Variants in VOPP1 observed in about 807,000 individuals in gnomAD.
The protein encoded by VOPP1 is VOPP1 WW domain binding protein, also known as WW domain binding protein VOPP1.
Under a neutral mutation model 23.5 loss-of-function variants are expected in VOPP1, and 8 were observed. The ratio of observed to expected loss-of-function variants is 0.34; its 90% CI spans 0.20 to 0.61. VOPP1 has a LOEUF of 0.61. Among genes scored for constraint, VOPP1 ranks in the 20% least tolerant of loss-of-function variants. The pLI, the probability that VOPP1 is intolerant of heterozygous loss-of-function variation, is 0.78. For missense variants in VOPP1, 174 were observed against 238.1 expected (o/e 0.73, Z 1.77); for synonymous variants, 83 against 97.3 (o/e 0.85, Z 0.86).
chr7:55,495,847 G>A (rs148419263), intron 3 of VOPP1, among the ~76,000 whole-genome samples: 9 of 152,316 alleles, frequency 5.9e-5, no homozygotes, highest in East Asian at 3.9e-4. Flanking sequence ...ACCCTGTGTC[G>A]GAATCTCAAC....
At chr7:55,533,811 C>G (rs1796625747) in intron 1 of VOPP1, among the ~76,000 whole-genome samples, 1 of 152,204 alleles carries the variant, frequency 6.6e-6, no homozygotes, top group South Asian at 2.1e-4. Context: ...ATGATGTTGT[C>G]TGGGGACTGA....
At chr7:55,529,256 T>C (rs1049427444) in intron 1 of VOPP1, among the ~76,000 whole-genome samples, 6 of 151,616 alleles carry the variant, frequency 4.0e-5, no homozygotes, top group African/African-American at 1.5e-4. Context: ...TCTCAGCTAC[T>C]TGGGAGGCTG....
At chr7:55,479,397 T>C (rs993163483) in intron 4 of VOPP1, among the ~76,000 whole-genome samples, 1 of 151,840 alleles carries the variant, frequency 6.6e-6, no homozygotes, top group Non-Finnish European at 1.5e-5. Flanking sequence ...ACAGAGGTGT[T>C]GCCAGCTCAG....
At chr7:55,478,159 C>T (rs747615187) in intron 4 of VOPP1, among the ~76,000 whole-genome samples, 14 of 152,206 alleles carry the variant, frequency 9.2e-5, no homozygotes, top group African/African-American at 1.7e-4. Context: ...AAGACCAGCA[C>T]GGTCTGGAAT....
At chr7:55,562,088 G>C in intron 1 of VOPP1, 1 of 702,914 alleles carries the variant, frequency 1.4e-6, no homozygotes, top group Non-Finnish European at 2.6e-6. Context: ...TCCAGGTGCA[G>C]GTAATTGTTC....
At chr7:55,552,800 C>G in intron 1 of VOPP1, 2 of 1,496,960 alleles carry the variant, frequency 1.3e-6, no homozygotes, top group Non-Finnish European at 1.8e-6. Context: ...GGAAACCTCC[C>G]ATGGGCTGAG....
At chr7:55,484,903 G>A (rs771495265) in intron 4 of VOPP1, among the ~76,000 whole-genome samples, 4 of 152,078 alleles carry the variant, frequency 2.6e-5, no homozygotes, top group African/African-American at 4.8e-5. Flanking sequence ...GGGCAGCCCC[G>A]GGACATGAAT....
intron 1 of VOPP1, among the ~76,000 whole-genome samples, chr7:55,545,693 C>T (rs1797336678): frequency 6.6e-6 from 1 of 152,132 alleles, no homozygotes; most frequent in Admixed American, 6.5e-5. Context: ...ACTGCCTGCT[C>T]GTGCTCTGTG....
intron 1 of VOPP1, among the ~76,000 whole-genome samples, chr7:55,571,541 T>C (rs913738555): frequency 2.6e-5 from 4 of 152,184 alleles, no homozygotes; most frequent in African/African-American, 9.7e-5. Flanking sequence ...TAGTGAGAAG[T>C]ATGTGGCCCC....
chr7:55,513,747 C>T lies in VOPP1; in HGVS notation c.113+7325G>A, dbSNP rs118177902. 3.2e-3 allele frequency among the ~76,000 whole-genome samples: 490 copies of T among 152,262 alleles called. 7 individuals carry two copies. The highest frequency in any genetic ancestry group is 3.1e-3 in the Non-Finnish European group (213 of 68,010). ...GAGAATGGAGGTAAGTAAAGAACCA[C>T]CTTTGGGGCCAAATCTTTTCCTCTT... On this transcript the variant is annotated intron_variant, in intron 2 of 4. Transcript: ENST00000285279.
At chr7:55,500,464 C>T (rs1794289970) in intron 2 of VOPP1, among the ~76,000 whole-genome samples, 1 of 152,244 alleles carries the variant, frequency 6.6e-6, no homozygotes, top group African/African-American at 2.4e-5. Flanking sequence ...ATTCGGAGGA[C>T]TCCAAGCTCC....
intron 2 of VOPP1, among the ~76,000 whole-genome samples, chr7:55,503,565 AT>A: frequency 6.6e-6 from 1 of 152,350 alleles, no homozygotes; most frequent in Middle Eastern, 3.4e-3. Context: ...TGTTGTTGCT[AT>A]GGATGGAAAG....
At chr7:55,452,694 T>G (rs955853957) in intron 4 of VOPP1, among the ~76,000 whole-genome samples, 2 of 152,320 alleles carry the variant, frequency 1.3e-5, no homozygotes, top group African/African-American at 4.8e-5. Flanking sequence ...TCTTGGGTGA[T>G]TAGGTCTTTT....
intron 4 of VOPP1, among the ~76,000 whole-genome samples, chr7:55,458,249 T>C (rs1175615807): frequency 6.6e-6 from 1 of 152,168 alleles, no homozygotes; most frequent in Non-Finnish European, 1.5e-5. Context: ...TATGTATTTA[T>C]TTCTGGGTTT....
chr7:55,485,934 C>T (rs996739931), intron 4 of VOPP1, among the ~76,000 whole-genome samples: 1 of 152,234 alleles, frequency 6.6e-6, no homozygotes, highest in Non-Finnish European at 1.5e-5. Flanking sequence ...CTGAAGGAGG[C>T]TCTGCTTCCC....
chr7:55,455,488 T>C (rs531762993), intron 4 of VOPP1, among the ~76,000 whole-genome samples: 94 of 152,334 alleles, frequency 6.2e-4, no homozygotes, highest in African/African-American at 2.1e-3. Context: ...AGAGCCCACA[T>C]AGCCAAGACA....
At chr7:55,537,066 G>C (rs568297009) in intron 1 of VOPP1, among the ~76,000 whole-genome samples, 1 of 152,116 alleles carries the variant, frequency 6.6e-6, no homozygotes, top group African/African-American at 2.4e-5. Context: ...ATTTTCTGAC[G>C]AGAAACGCAA....
chr7:55,472,892 G>A lies in VOPP1; in HGVS notation c.482C>T (p.Pro161Leu). The change falls in exon 5 of 5, where the codon CCT (proline) becomes CTT (leucine). Residue 161 changes from proline to leucine, a missense_variant. Coordinates refer to ENST00000285279, the MANE Select transcript of VOPP1 (RefSeq NM_030796.5). ...CACTACCTGTTCGTACGGGGGCGGA[G>A]GCGTGTTGCAGTAGGCTGGAGGGGG... ...CPPPPAYCNT[P>L]PPPYEQVVKA... 6.8e-7 allele frequency: 1 copy of A among 1,474,780 alleles called. No homozygotes were observed. The highest frequency in any genetic ancestry group is 1.4e-5 in the South Asian group (1 of 74,006). The allele number at this position is 1,474,780 out of a possible 1,614,324, so 91.4% of individuals were successfully genotyped here.
downstream of VOPP1, chr7:55,435,941 C>G (rs1353818776): frequency 6.6e-6 from 1 of 152,320 alleles, no homozygotes; most frequent in Non-Finnish European, 1.5e-5. Flanking sequence ...TGCAGCACGG[C>G]AGAAGCCTTG....
Sources: allele counts gnomAD v4.1 joint callset (sites outside exome capture counted in the v4.1 genomes callset), GRCh38; gene constraint gnomAD v4.1.1; transcripts MANE v1.5; gene names NCBI Gene and HGNC (gene_info 2026-07-23, HGNC 2026-07-21).